The following SRBD1 variants were observed in gnomAD, a reference collection of about 807,000 sequenced individuals.
The protein encoded by SRBD1 is S1 RNA binding domain 1.
Under a neutral mutation model 115.3 loss-of-function variants are expected in SRBD1, and 88 were observed. The observed-to-expected ratio is 0.76, with a 90% CI of 0.64 to 0.91. The LOEUF (loss-of-function observed/expected upper bound fraction) is 0.91, where lower values mean the gene tolerates loss of function less well. Among genes scored for constraint, SRBD1 ranks in the 40% least tolerant of loss-of-function variants. The pLI is 0.00. For synonymous variants in SRBD1, 509 were observed against 407.7 expected, an observed-to-expected ratio of 1.25 and a Z score of -2.99; for missense variants, 1,385 against 1,177.4, an observed-to-expected ratio of 1.18 and a Z score of -2.58.
At chr2:45,413,018 C>A in intron 19 of SRBD1, 96 bp downstream of exon 19, 1 of 1,371,446 alleles carries the variant, frequency 7.3e-7, no homozygotes, top group South Asian at 1.5e-5. Context: ...ATTAAACGGT[C>A]ATATTTTTCA....
intron 14 of SRBD1, among the ~76,000 whole-genome samples, chr2:45,518,895 C>G (rs1015368123): frequency 6.6e-6 from 1 of 150,434 alleles, no homozygotes; most frequent in Non-Finnish European, 1.5e-5. Context: ...TTATTTAAAT[C>G]TCATTTTTCC....
intron 5 of SRBD1, 74 bp downstream of exon 5, chr2:45,585,534 G>T (rs901342923): frequency 6.9e-7 from 1 of 1,452,414 alleles, no homozygotes; most frequent in Non-Finnish European, 9.4e-7. Context: ...CAAATATACC[G>T]TCATTCACTT....
At chr2:45,573,183 T>A (rs371103753) in intron 9 of SRBD1, 24 bp downstream of exon 9, 1 of 1,565,874 alleles carries the variant, frequency 6.4e-7, no homozygotes, top group African/African-American at 1.4e-5. Flanking sequence ...GAAATCAGCA[T>A]GCACATGCAG....
At chr2:45,584,529 T>C (rs182129342) in intron 5 of SRBD1, among the ~76,000 whole-genome samples, 1 of 152,322 alleles carries the variant, frequency 6.6e-6, no homozygotes, top group African/African-American at 2.4e-5. Context: ...AGAAAGCTTG[T>C]CAAGCTTGTT....
intron 16 of SRBD1, among the ~76,000 whole-genome samples, chr2:45,422,322 T>C (rs1558382464): frequency 6.6e-6 from 1 of 152,146 alleles, no homozygotes; most frequent in Non-Finnish European, 1.5e-5. Context: ...AGCCTGACCG[T>C]GTGTCTAGCA....
intron 3 of SRBD1, among the ~76,000 whole-genome samples, chr2:45,600,270 T>G (rs926361513): frequency 6.6e-6 from 1 of 152,056 alleles, no homozygotes; most frequent in Non-Finnish European, 1.5e-5. Flanking sequence ...TGTATCTCGG[T>G]TGTGACATCT....
At chr2:45,438,403 T>C (rs1247282536) in intron 16 of SRBD1, among the ~76,000 whole-genome samples, 1 of 152,202 alleles carries the variant, frequency 6.6e-6, no homozygotes, top group Non-Finnish European at 1.5e-5. Context: ...TGGGTCAACT[T>C]ATCCAGCAGA....
At chr2:45,395,969 T>A (rs1667135675) in intron 19 of SRBD1, among the ~76,000 whole-genome samples, 1 of 152,184 alleles carries the variant, frequency 6.6e-6, no homozygotes, top group South Asian at 2.1e-4. Flanking sequence ...ACAAAGTACT[T>A]TCTGGCTCAA....
At chr2:45,405,576 T>C (rs1282414738) in intron 19 of SRBD1, among the ~76,000 whole-genome samples, 6 of 152,110 alleles carry the variant, frequency 3.9e-5, no homozygotes, top group Non-Finnish European at 8.8e-5. Context: ...CAGATGGTCA[T>C]GTGTATGGGT....
chr2:45,515,398 C>T (rs1671089519), intron 14 of SRBD1, among the ~76,000 whole-genome samples: 1 of 152,130 alleles, frequency 6.6e-6, no homozygotes. Context: ...ACTCAAGAAC[C>T]CATATTCTTA....
chr2:45,513,459 C>T (rs1310485217), intron 14 of SRBD1, among the ~76,000 whole-genome samples: 3 of 150,552 alleles, frequency 2.0e-5, no homozygotes, highest in Non-Finnish European at 3.0e-5. Flanking sequence ...TAAAATACTT[C>T]GTTTCAGCCT....
Position 45,389,425 on chromosome 2 carries a change from T to A in SRBD1, c.2873A>T (p.Lys958Ile). The A allele has an allele frequency of 6.2e-7, 1 of 1,614,082 alleles. No individual in the cohort carries two copies. Among genetic ancestry groups the A allele is most frequent in the Non-Finnish European group, 8.5e-7 (1 of 1,179,970 alleles). ...TCCAAGGCTTCTTCTCTTCTTTGTT[T>A]TTGAAAGTTTTGCTTCTGTTACATT... The part of the protein sequence containing the change: ...IRNVTEAKLS[K>I]TKKRRSLGLG... The change falls in exon 21 of 21, where the codon AAA becomes ATA. Residue 958 changes from lysine (K) to isoleucine (I), a missense_variant. Coordinates refer to ENST00000263736, the MANE Select transcript of SRBD1 (RefSeq NM_018079.5).
In SRBD1 at chr2:45,488,341, C is replaced by G. The variant is rs764204546; in HGVS notation, c.1875-10G>C. On this transcript the variant is annotated splice_polypyrimidine_tract_variant and intron_variant, in intron 14 of 20. Coordinates refer to ENST00000263736, the MANE Select transcript of SRBD1 (RefSeq NM_018079.5). Reference sequence around the variant, plus strand: ...TGCTTCACTGACGATACTGAGAAGACAGAAAAAGGGGAATATCACTTTCCT... The same window carrying G: ...TGCTTCACTGACGATACTGAGAAGAGAGAAAAAGGGGAATATCACTTTCCT... 19 of 1,602,636 alleles carry G rather than the reference C, an allele frequency of 1.2e-5. No homozygotes were observed.
intron 5 of SRBD1, among the ~76,000 whole-genome samples, chr2:45,583,745 T>G (rs1346128489): frequency 6.6e-6 from 1 of 152,058 alleles, no homozygotes; most frequent in Non-Finnish European, 1.5e-5. Flanking sequence ...AAAATAAAGA[T>G]CATATCTCAT....
At chr2:45,546,192 A>C (rs1395746575) in intron 14 of SRBD1, 1 of 985,358 alleles carries the variant, frequency 1.0e-6, no homozygotes, top group Non-Finnish European at 1.2e-6. Flanking sequence ...AGACTAGAGA[A>C]ATTGGGTCTT....
chr2:45,403,313 C>T (rs1292686546), intron 19 of SRBD1, among the ~76,000 whole-genome samples: 1 of 143,010 alleles, frequency 7.0e-6, no homozygotes, highest in Non-Finnish European at 1.5e-5. Flanking sequence ...GCATTGACCA[C>T]AGCCAGTTTA....
chr2:45,512,764 C>T (rs1177429279), intron 14 of SRBD1, among the ~76,000 whole-genome samples: 3 of 152,104 alleles, frequency 2.0e-5, no homozygotes, highest in African/African-American at 4.8e-5. Context: ...CTGATTATCC[C>T]TTATTTTATG....
chr2:45,604,734 C>A (rs753985873), intron 2 of SRBD1, among the ~76,000 whole-genome samples: 1 of 152,208 alleles, frequency 6.6e-6, no homozygotes, highest in Non-Finnish European at 1.5e-5. Flanking sequence ...TCTGACTACT[C>A]TATCCAAAAT....
chr2:45,586,476 G>C (rs997985278), intron 4 of SRBD1, among the ~76,000 whole-genome samples: 3 of 152,156 alleles, frequency 2.0e-5, no homozygotes, highest in Non-Finnish European at 4.4e-5. Context: ...AGAGTTGGAA[G>C]ACCCTTCTAT....
Sources: gnomAD v4.1 joint callset for allele counts (sites outside exome capture counted in the v4.1 genomes callset) on GRCh38, gnomAD v4.1.1 for gene constraint, MANE v1.5 for transcripts, NCBI Gene and HGNC (gene_info 2026-07-23, HGNC 2026-07-21) for gene names.